The following ATP8B1 variants were observed in gnomAD, a reference collection of about 807,000 sequenced individuals.
ATP8B1 encodes the protein phospholipid-transporting ATPase IC.
Under a neutral mutation model 149.9 loss-of-function variants are expected in ATP8B1, and 80 were observed. The ratio of observed to expected loss-of-function variants is 0.53; its 90% CI spans 0.45 to 0.64. The LOEUF is 0.64. Among genes scored for constraint, ATP8B1 ranks in the 30% least tolerant of loss-of-function variants. The pLI is 0.00. For synonymous variants in ATP8B1, 536 were observed against 562.8 expected, an observed-to-expected ratio of 0.95 and a Z score of 0.67; for missense variants, 1,247 against 1,552.6, an observed-to-expected ratio of 0.80 and a Z score of 3.31.
At chr18:57,761,204 G>C (rs929284995) in intron 1 of ATP8B1, among the ~76,000 whole-genome samples, 2 of 152,066 alleles carry the variant, frequency 1.3e-5, no homozygotes, top group Non-Finnish European at 2.9e-5. Flanking sequence ...GCCTCCCAAA[G>C]TGCTGGGATT....
intron 2 of ATP8B1, among the ~76,000 whole-genome samples, chr18:57,711,258 G>T (rs1913673154): frequency 6.6e-6 from 1 of 152,140 alleles, no homozygotes; most frequent in African/African-American, 2.4e-5. Flanking sequence ...CAACCCAAAT[G>T]CCTACTGGGA....
chr18:57,776,997 T>A (rs1788950), intron 1 of ATP8B1, among the ~76,000 whole-genome samples: 11 of 151,404 alleles, frequency 7.3e-5, no homozygotes, highest in Admixed American at 2.6e-4. Flanking sequence ...TTTTTTTTTT[T>A]AAATAGGGTA....
intron 1 of ATP8B1, among the ~76,000 whole-genome samples, chr18:57,777,058 C>G (rs1012117639): frequency 6.6e-6 from 1 of 151,764 alleles, no homozygotes; most frequent in Non-Finnish European, 1.5e-5. Flanking sequence ...CTCACTGCAG[C>G]CTTGACCTCT....
At chr18:57,764,329 TTC>T (rs1462642970) in intron 1 of ATP8B1, among the ~76,000 whole-genome samples, 5 of 52,920 alleles carry the variant, frequency 9.4e-5, no homozygotes, top group African/African-American at 1.8e-4. Flanking sequence ...TTCTTTTTCT[TTC>T]TTTCTTTCTT....
chr18:57,662,341 C>T (rs1405977733), intron 21 of ATP8B1, 142 bp downstream of exon 21: 2 of 952,850 alleles, frequency 2.1e-6, no homozygotes, highest in African/African-American at 3.3e-5. Context: ...ATTATTAAGT[C>T]TCAAACTTGG....
intron 1 of ATP8B1, among the ~76,000 whole-genome samples, chr18:57,748,135 A>G (rs1410864231): frequency 6.6e-6 from 1 of 152,122 alleles, no homozygotes; most frequent in East Asian, 1.9e-4. Context: ...GAAACTCCCC[A>G]TGTTTTCCTA....
At chr18:57,792,038 G>A (rs2080468717) in intron 1 of ATP8B1, among the ~76,000 whole-genome samples, 1 of 152,118 alleles carries the variant, frequency 6.6e-6, no homozygotes, top group Non-Finnish European at 1.5e-5. Context: ...CCACCTGAAG[G>A]CCCCTTGTCT....
chr18:57,753,945 A>G (rs865864044), intron 1 of ATP8B1, among the ~76,000 whole-genome samples: 2,253 of 85,268 alleles, frequency 0.026, 38 homozygotes, highest in Non-Finnish European at 0.038. Context: ...AAAAAAAAAA[A>G]AAAGAAAGAA....
chr18:57,796,961 T>A (rs1408022496), intron 1 of ATP8B1, among the ~76,000 whole-genome samples: 1 of 152,214 alleles, frequency 6.6e-6, no homozygotes, highest in Non-Finnish European at 1.5e-5. Flanking sequence ...AAATGTTAAG[T>A]GTTCCTTCTG....
chr18:57,782,803 C>CTCTTTTTTTT (rs2080369139), intron 1 of ATP8B1, among the ~76,000 whole-genome samples: 2 of 91,178 alleles, frequency 2.2e-5, no homozygotes, highest in African/African-American at 9.8e-5. Context: ...TAGTTTGTCT[C>CTCTTTTTTTT]TTTTTTTTTT....
At chr18:57,659,248 C>T (rs1202650338) in intron 22 of ATP8B1, among the ~76,000 whole-genome samples, 1 of 152,094 alleles carries the variant, frequency 6.6e-6, no homozygotes, top group African/African-American at 2.4e-5. Flanking sequence ...TGCACCCCAG[C>T]CTGGGCCACA....
intron 1 of ATP8B1, among the ~76,000 whole-genome samples, chr18:57,744,391 G>A (rs1160642016): frequency 1.3e-5 from 2 of 151,804 alleles, no homozygotes; most frequent in African/African-American, 4.8e-5. Flanking sequence ...TGAAGGCAGG[G>A]TGGGGCTGCC....
intron 13 of ATP8B1, among the ~76,000 whole-genome samples, chr18:57,685,503 A>G (rs1322171664): frequency 1.3e-5 from 2 of 152,088 alleles, no homozygotes; most frequent in Non-Finnish European, 2.9e-5. Flanking sequence ...TCCCTATATC[A>G]TTTTAAACAA....
intron 2 of ATP8B1, chr18:57,731,309 AT>A (rs2079761921): frequency 0.43 from 229 of 536 alleles, 4 homozygotes; most frequent in East Asian, 0.5. Context: ...CTGCCTCAAA[AT>A]ATATATATAT....
At position 57,713,231 on chromosome 18, in the gene ATP8B1, C is replaced by A. The variant is rs186779494; in HGVS notation, c.182-6644G>T. On this transcript the variant is annotated intron_variant, in intron 2 of 27. Transcript: ENST00000648908. ...TCCTTCCTTCCTTCCTTCCTTCCTT[C>A]CTTCCTTCCTTCTTTCTTTCTTTCT... Among the ~76,000 whole-genome samples the A allele has an allele frequency of 1.1e-3, 144 of 130,636 alleles. 1 individual carries two copies. The highest frequency in any genetic ancestry group is 1.9e-3 in the Non-Finnish European group (120 of 62,250). The allele number at this position is 130,636 out of a possible 152,430, so 85.7% of individuals were successfully genotyped here.
Position 57,713,475 on chromosome 18 carries a change from T to TTTTTA in ATP8B1, c.182-6893_182-6889dup, listed in dbSNP as rs138926824. On this transcript the variant is annotated intron_variant, in intron 2 of 27. Coordinates refer to ENST00000648908, the MANE Select transcript of ATP8B1 (RefSeq NM_001374385.1). ...CCATGCCCAGCTAATTTTTAAAAATTTTTTATTTTATTTTATTTTATTTTA... is the reference window on the plus strand; with the variant it reads ...CCATGCCCAGCTAATTTTTAAAAATTTTTTATTTTATTTTATTTTATTTTATTTTA... 9.2e-3 allele frequency among the ~76,000 whole-genome samples: 1,351 copies of TTTTTA among 146,412 alleles called. 24 individuals carry two copies. The highest frequency in any genetic ancestry group is 0.057 in the East Asian group (285 of 4,994).
intron 1 of ATP8B1, among the ~76,000 whole-genome samples, chr18:57,764,756 T>TAAAAAAAAAAAAAAAAAAAAAAAAA (rs1568061359): frequency 1.5e-5 from 1 of 66,440 alleles, no homozygotes; most frequent in Non-Finnish European, 2.9e-5. Flanking sequence ...CTTTCAGTTG[T>TAAAAAAAAAAAAAAAAAAAAAAAAA]CAAAAAAAAA....
At chr18:57,772,358 A>C (rs1318671) in intron 1 of ATP8B1, among the ~76,000 whole-genome samples, 1 of 151,938 alleles carries the variant, frequency 6.6e-6, no homozygotes, top group Non-Finnish European at 1.5e-5. Flanking sequence ...CTGGGCCACT[A>C]TCTGATTGGG....
chr18:57,690,266 CAG>C (rs1912467988), intron 12 of ATP8B1, among the ~76,000 whole-genome samples: 1 of 152,116 alleles, frequency 6.6e-6, no homozygotes. Context: ...ATCAAGGGGC[CAG>C]AGTGGCAGAA....
Sources: gnomAD v4.1 joint callset for allele counts (sites outside exome capture counted in the v4.1 genomes callset) on GRCh38, gnomAD v4.1.1 for gene constraint, MANE v1.5 for transcripts, NCBI Gene and HGNC (gene_info 2026-07-23, HGNC 2026-07-21) for gene names.